The following MS4A4E variants were observed in gnomAD, a reference collection of about 807,000 sequenced individuals.
The protein encoded by MS4A4E is membrane spanning 4-domains A4E, also known as putative membrane-spanning 4-domains subfamily A member 4E.
MS4A4E carries 23 observed loss-of-function variants against 13.3 expected under a neutral mutation model. The ratio of observed to expected loss-of-function variants is 1.73; its 90% CI spans 1.25 to 2.45. The LOEUF (loss-of-function observed/expected upper bound fraction) is 2.45. Ranked by LOEUF, MS4A4E falls within the 30% of genes most tolerant of loss-of-function variation. The pLI, the probability that MS4A4E is intolerant of heterozygous loss-of-function variation, is 0.00. For missense variants in MS4A4E, 144 were observed against 131.2 expected (o/e 1.10, Z -0.48); for synonymous variants, 36 against 45.6 (o/e 0.79, Z 0.85).
chr11:60,220,946 T>C (rs2084262951), intron 3 of MS4A4E, among the ~76,000 whole-genome samples: 1 of 152,182 alleles, frequency 6.6e-6, no homozygotes, highest in Non-Finnish European at 1.5e-5. Flanking sequence ...AGGTCCAAAC[T>C]GCTATGCAAG....
At chr11:60,242,530 A>G (rs1431216105) in intron 1 of MS4A4E, among the ~76,000 whole-genome samples, 1 of 152,170 alleles carries the variant, frequency 6.6e-6, no homozygotes, top group Non-Finnish European at 1.5e-5. Context: ...CACGTGCTAG[A>G]TCTTTTCTTA....
rs373966777 is a variant in MS4A4E at position 60,228,065 on chromosome 11, GGCACA to G, written c.178+524_178+528del. 4.3e-3 allele frequency among the ~76,000 whole-genome samples: 650 copies of G among 152,032 alleles called. 8 individuals are homozygous for G. Among genetic ancestry groups the G allele is most frequent in the Middle Eastern group, 0.02 (6 of 294 alleles). On this transcript the variant is annotated intron_variant, in intron 3 of 8. Coordinates refer to ENST00000651255, the MANE Select transcript of MS4A4E (RefSeq NM_001393391.1). ...ATGAGTTTGTCAATACAATACCAAA[GGCACA>G]ACCCATGAAATACCGAATTAATCAT...
chr11:60,221,691 C>T (rs1204820559), intron 3 of MS4A4E, among the ~76,000 whole-genome samples: 1 of 152,236 alleles, frequency 6.6e-6, no homozygotes, highest in East Asian at 1.9e-4. Context: ...TGGGCTATAG[C>T]CAATGGTTTG....
chr11:60,231,717 G>A (rs1000311277), intron 1 of MS4A4E, among the ~76,000 whole-genome samples: 2 of 152,052 alleles, frequency 1.3e-5, no homozygotes, highest in African/African-American at 2.4e-5. Context: ...TCACTTCCCT[G>A]GAGAATTATA....
intron 1 of MS4A4E, among the ~76,000 whole-genome samples, chr11:60,235,893 G>C (rs2084477137): frequency 6.6e-6 from 1 of 152,166 alleles, no homozygotes; most frequent in Admixed American, 6.5e-5. Flanking sequence ...AACGGTATTA[G>C]TTACATTTAG....
At chr11:60,232,576 G>A (rs545297397) in intron 1 of MS4A4E, among the ~76,000 whole-genome samples, 23 of 152,246 alleles carry the variant, frequency 1.5e-4, no homozygotes, top group African/African-American at 4.8e-4. Context: ...GACACCTGCA[G>A]TCTTACTACT....
At chr11:60,212,604 C>T (rs183627417) in intron 5 of MS4A4E, among the ~76,000 whole-genome samples, 298 of 152,280 alleles carry the variant, frequency 2.0e-3, no homozygotes, top group African/African-American at 6.7e-3. Flanking sequence ...CCACCGTGTC[C>T]GGCTGGGACT....
intron 3 of MS4A4E, among the ~76,000 whole-genome samples, chr11:60,220,715 G>A (rs2134945194): frequency 6.6e-6 from 1 of 152,274 alleles, no homozygotes; most frequent in South Asian, 2.1e-4. Context: ...GGGGTTCAGT[G>A]GTGTGGGGCC....
chr11:60,242,920 C>T, intron 1 of MS4A4E, 38 bp downstream of exon 1: 2 of 1,457,606 alleles, frequency 1.4e-6, no homozygotes, highest in Non-Finnish European at 1.9e-6. Flanking sequence ...AACAAACTAT[C>T]AGTCCGAGAG....
intron 4 of MS4A4E, chr11:60,213,448 C>T (rs1023305936): frequency 6.0e-6 from 4 of 671,074 alleles, no homozygotes; most frequent in East Asian, 2.8e-5. Flanking sequence ...TTCTGGTGCC[C>T]GATCTCTTAT....
intron 3 of MS4A4E, among the ~76,000 whole-genome samples, chr11:60,221,495 T>A (rs2084269725): frequency 1.3e-5 from 2 of 152,214 alleles, no homozygotes; most frequent in South Asian, 4.1e-4. Context: ...TACAGATGGC[T>A]CTGCACGATA....
intron 5 of MS4A4E, among the ~76,000 whole-genome samples, chr11:60,211,444 G>A (rs561835003): frequency 1.3e-5 from 2 of 152,308 alleles, no homozygotes; most frequent in South Asian, 4.1e-4. Context: ...GAAGTAAACA[G>A]AATGCAGTTG....
intron 1 of MS4A4E, among the ~76,000 whole-genome samples, chr11:60,240,971 C>A (rs1022343606): frequency 1.3e-5 from 2 of 152,082 alleles, no homozygotes; most frequent in Admixed American, 1.3e-4. Context: ...GAAGATAATT[C>A]TTCTTAGTCC....
chr11:60,223,108 G>A (rs997623094), intron 3 of MS4A4E, among the ~76,000 whole-genome samples: 5 of 152,056 alleles, frequency 3.3e-5, no homozygotes, highest in Admixed American at 1.3e-4. Flanking sequence ...ATACAGAATC[G>A]GTGGTAGAAG....
At chr11:60,206,512 T>TATGTATATGTATATATATATAC in intron 6 of MS4A4E, among the ~76,000 whole-genome samples, 1 of 98,352 alleles carries the variant, frequency 1.0e-5, no homozygotes, top group South Asian at 3.5e-4. Context: ...TATATATATA[T>TATGTATATGTATATATATATAC]ACACACACAC....
intron 5 of MS4A4E, among the ~76,000 whole-genome samples, chr11:60,211,469 G>A (rs1448047565): frequency 2.0e-5 from 3 of 152,190 alleles, no homozygotes; most frequent in Non-Finnish European, 4.4e-5. Flanking sequence ...TGTCTAGTAA[G>A]TTAGGAAGAG....
chr11:60,231,034 A>G (rs912052067), intron 1 of MS4A4E, among the ~76,000 whole-genome samples: 3 of 152,198 alleles, frequency 2.0e-5, no homozygotes, highest in South Asian at 4.1e-4. Flanking sequence ...GAAAAAATTC[A>G]GATTTCTGTG....
intron 7 of MS4A4E, among the ~76,000 whole-genome samples, 59 bp from the exon 8 acceptor site, chr11:60,205,017 G>A (rs2084022597): frequency 6.6e-6 from 1 of 152,186 alleles, no homozygotes; most frequent in Non-Finnish European, 1.5e-5. Context: ...CCCATGAAAA[G>A]CGTGCATGGA....
intron 5 of MS4A4E, among the ~76,000 whole-genome samples, chr11:60,212,202 T>C (rs1174256868): frequency 3.3e-5 from 5 of 152,144 alleles, no homozygotes; most frequent in Admixed American, 2.6e-4. Context: ...ATAAAAGTGG[T>C]TAACGTTGCA....
Sources: gnomAD v4.1 joint callset for allele counts (sites outside exome capture counted in the v4.1 genomes callset) on GRCh38, gnomAD v4.1.1 for gene constraint, MANE v1.5 for transcripts, NCBI Gene and HGNC (gene_info 2026-07-23, HGNC 2026-07-21) for gene names.